Variants in CPSF4 observed in about 807,000 individuals in gnomAD.
The protein encoded by CPSF4 is cleavage and polyadenylation specificity factor subunit 4.
Under a neutral mutation model 37.7 loss-of-function variants are expected in CPSF4, and 11 were observed. The ratio of observed to expected loss-of-function variants is 0.29; its 90% confidence interval spans 0.18 to 0.48. The LOEUF is 0.48. Among genes scored for constraint, CPSF4 ranks in the 20% least tolerant of loss-of-function variants. CPSF4 has a pLI of 0.99. For missense variants in CPSF4, 144 were observed against 359.5 expected (o/e 0.40, Z 4.85); for synonymous variants, 132 against 135.9 (o/e 0.97, Z 0.20).
intron 4 of CPSF4, 81 bp from the exon 5 acceptor site, chr7:99,450,621 G>A (rs1021424127): frequency 5.9e-6 from 7 of 1,176,504 alleles, no homozygotes; most frequent in African/African-American, 4.5e-5. Flanking sequence ...ATGAATGGGG[G>A]ACAGCCAGCA....
chr7:99,440,654 G>A (rs1444689347), intron 1 of CPSF4, among the ~76,000 whole-genome samples: 1 of 88,920 alleles, frequency 1.1e-5, no homozygotes, highest in African/African-American at 1.2e-4. Flanking sequence ...ACTGCACCTG[G>A]CATATATATA....
At chr7:99,454,204 CAT>C in intron 7 of CPSF4, 68 bp downstream of exon 7, 1 of 1,366,600 alleles carries the variant, frequency 7.3e-7, no homozygotes, top group Non-Finnish European at 1.0e-6. Context: ...CCTCATGCCC[CAT>C]GTGTTTGGTG....
intron 7 of CPSF4, among the ~76,000 whole-genome samples, chr7:99,455,905 T>C (rs1798274649): frequency 6.6e-6 from 1 of 152,236 alleles, no homozygotes; most frequent in African/African-American, 2.4e-5. Context: ...CAGCCCACCC[T>C]CTGTCCCCAG....
At position 99,439,156 on chromosome 7, in the gene CPSF4, C is replaced by A. The variant is rs2150967265; in HGVS notation, c.74C>A (p.Ala25Glu). 6.2e-7 allele frequency: 1 copy of A among 1,608,174 alleles called. No individual in the cohort carries two copies. The highest frequency in any genetic ancestry group is 2.2e-5 in the East Asian group (1 of 44,464). The change falls in exon 1 of 8, where the codon GCG becomes GAG. Residue 25 changes from alanine to glutamate, a missense_variant. By Grantham distance (107) the Ala-to-Glu change is moderately radical. This residue lies in a region of CPSF4 where 42 missense variants were observed against 86.4 expected (regional missense o/e 0.49). Coordinates refer to ENST00000292476, the MANE Select transcript of CPSF4 (RefSeq NM_006693.4). Reference sequence around the variant, plus strand: ...ATCGCGGTGGAGCAGCAGCTGGGGGCGCAGCCGCTGCCCTTCCCCGGCATG... The same window carrying A: ...ATCGCGGTGGAGCAGCAGCTGGGGGAGCAGCCGCTGCCCTTCCCCGGCATG... The part of the protein sequence containing the change: ...LEIAVEQQLG[A>E]QPLPFPGMDK...
chr7:99,444,067 CTG>C (rs1461722865), intron 1 of CPSF4, among the ~76,000 whole-genome samples: 1 of 152,222 alleles, frequency 6.6e-6, no homozygotes, highest in Non-Finnish European at 1.5e-5. Flanking sequence ...CCCTGATTGT[CTG>C]TACGTCTGTG....
chr7:99,456,701 G>C lies in CPSF4; in HGVS notation c.*201G>C, dbSNP rs1032724098. 1.5e-6 allele frequency: 1 copy of C among 653,672 alleles called. No homozygotes were observed. The highest frequency in any genetic ancestry group is 2.1e-5 in the Admixed American group (1 of 47,280). 40.5% of individuals were successfully genotyped at this position (653,672 alleles called of 1,614,324 possible). ...TTGAAAAAGGGACATGTGTCCTGTG[G>C]GTCCCTGCAGTCGACATCATGTTTG... is the stretch of plus-strand genomic sequence containing the variant. On this transcript the variant is annotated 3_prime_UTR_variant, in exon 8 of 8. Transcript: ENST00000292476.
intron 1 of CPSF4, 73 bp from the exon 2 acceptor site, chr7:99,444,715 TC>T: frequency 7.0e-7 from 1 of 1,432,170 alleles, no homozygotes; most frequent in South Asian, 1.2e-5. Context: ...AAGGGTTCCC[TC>T]CCACTGTCTT....
Position 99,456,594 on chromosome 7 carries a change from C to G in CPSF4, c.*94C>G. ...TGCGCTTGTTGGCGCGACTGTGGCT[C>G]GAGCTGGCCCGCAGACACGTGGGTT... On this transcript the variant is annotated 3_prime_UTR_variant, in exon 8 of 8. Coordinates refer to ENST00000292476, the MANE Select transcript of CPSF4 (RefSeq NM_006693.4). 1 of 1,020,196 alleles carries G rather than the reference C, an allele frequency of 9.8e-7. No individual in the cohort carries two copies. The highest frequency in any genetic ancestry group is 1.3e-5 in the South Asian group (1 of 76,248). The allele number at this position is 1,020,196 out of a possible 1,614,324, so 63.2% of individuals were successfully genotyped here.
At chr7:99,456,128 G>T (rs1357595871) in intron 7 of CPSF4, among the ~76,000 whole-genome samples, 1 of 152,248 alleles carries the variant, frequency 6.6e-6, no homozygotes, top group East Asian at 1.9e-4. Context: ...CAGGCCATGT[G>T]TCCAGGTGGG....
chr7:99,456,720 A>G lies in CPSF4; in HGVS notation c.*220A>G. The G allele has an allele frequency of 3.2e-6, 2 of 619,596 alleles. No individual in the cohort carries two copies. Among genetic ancestry groups the G allele is most frequent in the Non-Finnish European group, 5.9e-6 (2 of 337,140 alleles). 38.4% of individuals were successfully genotyped at this position (619,596 alleles called of 1,614,324 possible). A position where few individuals can be genotyped will look rare whatever the true frequency, so the allele number is the denominator to read the frequency against. On this transcript the variant is annotated 3_prime_UTR_variant, in exon 8 of 8. Coordinates refer to ENST00000292476, the MANE Select transcript of CPSF4 (RefSeq NM_006693.4). ...CCTGTGGGTCCCTGCAGTCGACATCATGTTTGGCTGGGCATCGATGCCTCC... is the reference window on the plus strand; with the variant it reads ...CCTGTGGGTCCCTGCAGTCGACATCGTGTTTGGCTGGGCATCGATGCCTCC...
intron 1 of CPSF4, among the ~76,000 whole-genome samples, chr7:99,441,719 G>A (rs564768510): frequency 6.6e-6 from 1 of 151,816 alleles, no homozygotes; most frequent in South Asian, 2.1e-4. Context: ...TTGAGACAGA[G>A]TCTTGCTCTG....
chr7:99,444,763 C>CCTCTCCTTTT, intron 1 of CPSF4, 26 bp from the exon 2 acceptor site: 1 of 1,609,418 alleles, frequency 6.2e-7, no homozygotes, highest in Non-Finnish European at 8.5e-7. Context: ...CTCTTTGATT[C>CCTCTCCTTTT]CTCTCCTTTT....
At chr7:99,452,632 GC>G in intron 6 of CPSF4, 192 bp downstream of exon 6, 1 of 582,246 alleles carries the variant, frequency 1.7e-6, no homozygotes, top group Non-Finnish European at 3.1e-6. Context: ...AGGGCCTCTT[GC>G]CCTAGAACCT....
intron 2 of CPSF4, chr7:99,447,750 C>T (rs1011493581): frequency 8.8e-5 from 38 of 432,494 alleles, no homozygotes; most frequent in Admixed American, 1.7e-4. Context: ...CCACCATGCG[C>T]GGCTAATTTT....
chr7:99,446,676 T>C (rs1797520315), intron 2 of CPSF4, among the ~76,000 whole-genome samples: 2 of 146,880 alleles, frequency 1.4e-5, no homozygotes, highest in Non-Finnish European at 3.0e-5. Flanking sequence ...GGCACAGTCA[T>C]AGCTGACTGC....
Position 99,453,918 on chromosome 7 carries a change from C to T in CPSF4, c.571-48C>T, listed in dbSNP as rs756179405. The T allele has an allele frequency of 3.1e-5, 49 of 1,572,914 alleles. No individual in the cohort carries two copies. Among genetic ancestry groups the T allele is most frequent in the East Asian group, 2.0e-4 (9 of 44,498 alleles). ...TTTTCCTGTCCCCATCGGTAGTCTG[C>T]GTGCACGTGTTTTCCACAGTAAAAC... On this transcript the variant is annotated intron_variant, in intron 6 of 7. Transcript: ENST00000292476. The surrounding 1 kb of genome is among the most constrained non-coding windows in gnomAD (Gnocchi z 4.7).
intron 2 of CPSF4, among the ~76,000 whole-genome samples, chr7:99,446,570 C>T (rs962780177): frequency 6.6e-6 from 1 of 151,572 alleles, no homozygotes; most frequent in Non-Finnish European, 1.5e-5. Flanking sequence ...CATGTGTATA[C>T]ATCACATTTC....
At chr7:99,444,976 T>G (rs1168286670) in intron 2 of CPSF4, 137 bp downstream of exon 2, 1 of 776,302 alleles carries the variant, frequency 1.3e-6, no homozygotes, top group Admixed American at 2.2e-5. Flanking sequence ...TAAAACTGGT[T>G]TGGACAGGCT....
intron 5 of CPSF4, among the ~76,000 whole-genome samples, chr7:99,452,121 A>G (rs1448781792): frequency 6.6e-6 from 1 of 151,958 alleles, no homozygotes; most frequent in East Asian, 1.9e-4. Flanking sequence ...AGCTCGGTGT[A>G]GGCAGGGTTG....
Sources: gnomAD v4.1 joint callset for allele counts (sites outside exome capture counted in the v4.1 genomes callset) on GRCh38, gnomAD v4.1.1 for gene constraint, gnomAD v4.1.1 regional missense constraint, Gnocchi (gnomAD v3.1) non-coding constraint, MANE v1.5 for transcripts, NCBI Gene and HGNC (gene_info 2026-07-23, HGNC 2026-07-21) for gene names.